Variants in TRPC4 observed in about 807,000 individuals in gnomAD.
The protein encoded by TRPC4 is short transient receptor potential channel 4.
Under a neutral mutation model 99.4 loss-of-function variants are expected in TRPC4, and 49 were observed. That is an observed-to-expected ratio of 0.49 (90% CI 0.39 to 0.63). The LOEUF (loss-of-function observed/expected upper bound fraction) is 0.63, where lower values mean the gene tolerates loss of function less well. Ranked by LOEUF, TRPC4 falls within the 20% of genes least tolerant of loss-of-function variation. TRPC4 has a pLI of 0.00. For missense variants in TRPC4, 898 were observed against 1,152.9 expected, an observed-to-expected ratio of 0.78 and a Z score of 3.20; for synonymous variants, 454 against 425.9, an observed-to-expected ratio of 1.07 and a Z score of -0.81.
At chr13:37,825,845 A>C (rs377698219) in intron 1 of TRPC4, among the ~76,000 whole-genome samples, 3 of 151,370 alleles carry the variant, frequency 2.0e-5, no homozygotes, top group Admixed American at 2.0e-4. Flanking sequence ...TTTCTGTCTC[A>C]TTGATCTGTC....
intron 2 of TRPC4, among the ~76,000 whole-genome samples, chr13:37,755,761 A>G (rs1470235282): frequency 6.6e-6 from 1 of 152,158 alleles, no homozygotes; most frequent in Non-Finnish European, 1.5e-5. Context: ...AGTAAGGGGC[A>G]TTTGTTATAT....
At chr13:37,720,503 C>A (rs920455549) in intron 3 of TRPC4, among the ~76,000 whole-genome samples, 1 of 151,922 alleles carries the variant, frequency 6.6e-6, no homozygotes, top group Non-Finnish European at 1.5e-5. Context: ...TTTCTGCGTT[C>A]TGAACTTTTC....
chr13:37,674,509 A>G (rs1002227916), intron 4 of TRPC4, 142 bp from the exon 5 acceptor site: 2 of 858,946 alleles, frequency 2.3e-6, no homozygotes, highest in Admixed American at 3.4e-5. Context: ...TTTACAGGTA[A>G]TAACACTGAG....
chr13:37,767,527 G>A (rs558466857), intron 2 of TRPC4, among the ~76,000 whole-genome samples: 89 of 151,224 alleles, frequency 5.9e-4, no homozygotes, highest in African/African-American at 2.0e-3. Flanking sequence ...TCAGAACCCC[G>A]TACTCCACTT....
At chr13:37,745,504 A>ATG (rs1955738758) in intron 3 of TRPC4, among the ~76,000 whole-genome samples, 1 of 132,304 alleles carries the variant, frequency 7.6e-6, no homozygotes, top group African/African-American at 3.0e-5. Flanking sequence ...ATATACGTAT[A>ATG]TATGTATATA....
intron 3 of TRPC4, among the ~76,000 whole-genome samples, chr13:37,738,742 A>G (rs746353148): frequency 3.3e-5 from 5 of 152,196 alleles, no homozygotes; most frequent in Non-Finnish European, 7.4e-5. Flanking sequence ...CAACAATGTT[A>G]TGAATGTTCC....
intron 6 of TRPC4, among the ~76,000 whole-genome samples, chr13:37,656,972 G>GT (rs961192836): frequency 9.9e-5 from 15 of 152,236 alleles, no homozygotes; most frequent in South Asian, 4.1e-4. Flanking sequence ...TTCTTTGCAT[G>GT]TTTTTTTATA....
chr13:37,694,707 T>A (rs368368932), intron 3 of TRPC4, among the ~76,000 whole-genome samples: 18 of 152,318 alleles, frequency 1.2e-4, no homozygotes, highest in African/African-American at 4.3e-4. Context: ...ATGAACAGTA[T>A]ACGTAATTTT....
chr13:37,745,757 C>A (rs1343354633), intron 3 of TRPC4, among the ~76,000 whole-genome samples, 180 bp downstream of exon 3: 2 of 151,756 alleles, frequency 1.3e-5, no homozygotes, highest in East Asian at 1.9e-4. Context: ...AATTATTAAA[C>A]CATTTATTAC....
At chr13:37,865,310 C>CT (rs890937986) in intron 1 of TRPC4, among the ~76,000 whole-genome samples, 8 of 151,076 alleles carry the variant, frequency 5.3e-5, no homozygotes, top group African/African-American at 1.9e-4. Flanking sequence ...CTAGCATGAC[C>CT]TTTTTTTTAA....
chr13:37,819,196 G>T (rs1332525926), intron 1 of TRPC4, among the ~76,000 whole-genome samples: 7 of 152,126 alleles, frequency 4.6e-5, no homozygotes, highest in African/African-American at 1.7e-4. Context: ...TGGTGAGGTT[G>T]TAGAGAAAAA....
At chr13:37,682,641 C>T (rs1391136976) in intron 4 of TRPC4, among the ~76,000 whole-genome samples, 7 of 152,176 alleles carry the variant, frequency 4.6e-5, no homozygotes, top group Non-Finnish European at 8.8e-5. Flanking sequence ...TATCTGTTCC[C>T]AACCACCTAG....
intron 1 of TRPC4, among the ~76,000 whole-genome samples, chr13:37,789,041 T>C (rs528158127): frequency 1.3e-5 from 2 of 152,286 alleles, no homozygotes; most frequent in South Asian, 4.1e-4. Flanking sequence ...GCATACTTCC[T>C]GTTTATCCTC....
intron 1 of TRPC4, among the ~76,000 whole-genome samples, chr13:37,783,917 AG>A (rs1200308380): frequency 6.6e-6 from 1 of 151,838 alleles, no homozygotes; most frequent in Non-Finnish European, 1.5e-5. Flanking sequence ...CATGTTGCCC[AG>A]GCTGGTCTCG....
rs561582722 is a variant in TRPC4, at chr13:37,808,365, T to C, written c.-27-25005A>G. Among the ~76,000 whole-genome samples the C allele has an allele frequency of 1.2e-4, 18 of 152,152 alleles. No homozygotes were observed. In the South Asian group the frequency reaches 2.3e-3, roughly 19 times the overall value. On this transcript the variant is annotated intron_variant, in intron 1 of 10. Transcript: ENST00000379705. Reference sequence around the variant, plus strand: ...ATGTGGTACCTACTGCAATGGCTAATGTAGAAAAAAGAGGGGTATCCCACG... The same window carrying C: ...ATGTGGTACCTACTGCAATGGCTAACGTAGAAAAAAGAGGGGTATCCCACG...
At chr13:37,856,451 TA>T (rs1959175358) in intron 1 of TRPC4, among the ~76,000 whole-genome samples, 1 of 149,768 alleles carries the variant, frequency 6.7e-6, no homozygotes, top group African/African-American at 2.5e-5. Context: ...ACCAAACATT[TA>T]AAGAAGAACT....
At chr13:37,748,086 T>C (rs1231126143) in intron 2 of TRPC4, among the ~76,000 whole-genome samples, 1 of 152,144 alleles carries the variant, frequency 6.6e-6, no homozygotes, top group Non-Finnish European at 1.5e-5. Context: ...CATCGTGCTG[T>C]TCAGAATGGT....
At chr13:37,733,765 G>A (rs961808787) in intron 3 of TRPC4, among the ~76,000 whole-genome samples, 5 of 151,962 alleles carry the variant, frequency 3.3e-5, no homozygotes, top group Non-Finnish European at 5.9e-5. Context: ...ACTGTTTCAG[G>A]GATTGAAACT....
chr13:37,641,277 A>G (rs970982901), intron 8 of TRPC4, among the ~76,000 whole-genome samples: 3 of 152,132 alleles, frequency 2.0e-5, no homozygotes, highest in African/African-American at 7.2e-5. Flanking sequence ...GGATTGTCAA[A>G]AAGAGAGAGG....
Sources: gnomAD v4.1 joint callset for allele counts (sites outside exome capture counted in the v4.1 genomes callset) on GRCh38, gnomAD v4.1.1 for gene constraint, MANE v1.5 for transcripts, NCBI Gene and HGNC (gene_info 2026-07-23, HGNC 2026-07-21) for gene names.